Variants in CAPN13 observed in about 807,000 individuals in gnomAD.
CAPN13 encodes calpain 13.
CAPN13 carries 90 observed loss-of-function variants against 98.4 expected under a neutral mutation model. The ratio of observed to expected loss-of-function variants is 0.92; its 90% CI spans 0.77 to 1.09. The LOEUF (loss-of-function observed/expected upper bound fraction) is 1.09. Ranked by LOEUF, CAPN13 falls within the 50% of genes least tolerant of loss-of-function variation. The probability of loss-of-function intolerance (pLI) is 0.00; values close to 1 mark genes in which losing one functional copy is unlikely to be tolerated. For missense variants in CAPN13, 887 were observed against 841.3 expected, an observed-to-expected ratio of 1.05 and a Z score of -0.67; for synonymous variants, 330 against 305.5, an observed-to-expected ratio of 1.08 and a Z score of -0.84.
Position 30,775,925 on chromosome 2 carries a change from C to A in CAPN13, c.387+5G>T, listed in dbSNP as rs377429579. 3.1e-6 allele frequency: 5 copies of A among 1,602,686 alleles called. No individual in the cohort carries two copies. The Admixed American group carries it at 6.7e-5, about 22-fold the overall frequency. On this transcript the variant is annotated splice_donor_5th_base_variant and intron_variant, in intron 4 of 22. Transcript: ENST00000295055. ...ATATAATGAGCGCTGCAAGGGCACA[C>A]GTACCCGGAAACGGAAAATGCCAGC...
chr2:30,731,080 CCTT>C (rs1048997623), intron 21 of CAPN13, among the ~76,000 whole-genome samples: 4 of 152,188 alleles, frequency 2.6e-5, no homozygotes, highest in Non-Finnish European at 5.9e-5. Context: ...AGCGGGCTGT[CCTT>C]CTGTTCCCTC....
chr2:30,766,784 G>A (rs922778106), intron 5 of CAPN13, among the ~76,000 whole-genome samples: 7 of 152,184 alleles, frequency 4.6e-5, no homozygotes, highest in South Asian at 2.1e-4. Context: ...ACCAGCTCTC[G>A]TCCCTCAATC....
chr2:30,774,537 AG>A (rs1302248490), intron 4 of CAPN13, among the ~76,000 whole-genome samples: 1 of 152,200 alleles, frequency 6.6e-6, no homozygotes, highest in East Asian at 1.9e-4. Flanking sequence ...TAAGCAACTC[AG>A]TGGCAATATA....
In CAPN13 at chr2:30,763,076, C is replaced by T. The variant is rs775495355; in HGVS notation, c.774+6G>A. 4 of 1,605,140 alleles carry T rather than the reference C, an allele frequency of 2.5e-6. No individual in the cohort carries two copies. Among genetic ancestry groups the T allele is most frequent in the Admixed American group, 1.7e-5 (1 of 59,440 alleles). On this transcript the variant is annotated splice_donor_region_variant and intron_variant, in intron 7 of 22. Coordinates refer to ENST00000295055, the MANE Select transcript of CAPN13 (RefSeq NM_144575.3). Reference sequence around the variant, plus strand: ...GAGAGCTGGACAGGCCAGCAGCCAGCCTTACCTGCTCAGCCCCAGTCACAG... The same window carrying T: ...GAGAGCTGGACAGGCCAGCAGCCAGTCTTACCTGCTCAGCCCCAGTCACAG...
chr2:30,740,096 T>C (rs11684875), intron 15 of CAPN13, among the ~76,000 whole-genome samples: 1 of 138,272 alleles, frequency 7.2e-6, no homozygotes, highest in Non-Finnish European at 1.6e-5. Flanking sequence ...TTTTTTTTTT[T>C]TTTTTTTTTT....
At chr2:30,799,291 G>A (rs191119070) in intron 1 of CAPN13, among the ~76,000 whole-genome samples, 1 of 152,336 alleles carries the variant, frequency 6.6e-6, no homozygotes, top group African/African-American at 2.4e-5. Flanking sequence ...AAGAGCTTAT[G>A]TGAGATGGTG....
intron 6 of CAPN13, among the ~76,000 whole-genome samples, 178 bp from the exon 7 acceptor site, chr2:30,763,334 G>A (rs574479350): frequency 6.6e-6 from 1 of 152,348 alleles, no homozygotes; most frequent in South Asian, 2.1e-4. Flanking sequence ...GGTGTCTGAG[G>A]CCCCAGGGAT....
chr2:30,730,883 T>G, intron 21 of CAPN13, 97 bp from the exon 22 acceptor site: 1 of 758,034 alleles, frequency 1.3e-6, no homozygotes, highest in Non-Finnish European at 2.5e-6. Context: ...AAGACCTCAG[T>G]CCAGTCTCAT....
At chr2:30,762,038 T>C (rs1266864807) in intron 7 of CAPN13, among the ~76,000 whole-genome samples, 1 of 152,142 alleles carries the variant, frequency 6.6e-6, no homozygotes, top group African/African-American at 2.4e-5. Context: ...TCAAGTGTTG[T>C]GGGAAATACA....
rs560081711 is a variant in CAPN13 at position 30,797,126 on chromosome 2, G to C, written c.-32-9769C>G. On this transcript the variant is annotated intron_variant, in intron 1 of 22. Transcript: ENST00000295055. ...CCCTTCCTGGTCAGAGATCTAGAGA[G>C]GTTTACTGGACAGAAGGCCGACTGA... is the stretch of plus-strand genomic sequence containing the variant. 2.0e-5 allele frequency among the ~76,000 whole-genome samples: 3 copies of C among 152,224 alleles called. No individual in the cohort carries two copies. The South Asian group carries it at 6.2e-4, about 32-fold the overall frequency.
At chr2:30,799,447 G>A (rs1227673798) in intron 1 of CAPN13, among the ~76,000 whole-genome samples, 1 of 152,158 alleles carries the variant, frequency 6.6e-6, no homozygotes, top group Non-Finnish European at 1.5e-5. Context: ...GGGATTAGTG[G>A]CCCCCAGAAA....
chr2:30,783,776 T>G (rs1674113482), intron 2 of CAPN13, among the ~76,000 whole-genome samples: 1 of 152,194 alleles, frequency 6.6e-6, no homozygotes, highest in African/African-American at 2.4e-5. Flanking sequence ...AACACCTTGG[T>G]GCTACCTCAG....
chr2:30,742,317 C>A lies in CAPN13; in HGVS notation c.1479+9G>T. ...GAGGCTCGCCAGCCAAACCTTGCTGCATACCTACCTTCATTCTGAGGTTGA... is the reference window on the plus strand; with the variant it reads ...GAGGCTCGCCAGCCAAACCTTGCTGAATACCTACCTTCATTCTGAGGTTGA... On this transcript the variant is annotated intron_variant, in intron 14 of 22. Transcript: ENST00000295055. 1 of 1,601,918 alleles carries A rather than the reference C, an allele frequency of 6.2e-7. No individual in the cohort carries two copies. The highest frequency in any genetic ancestry group is 1.1e-5 in the South Asian group (1 of 88,508).
intron 4 of CAPN13, among the ~76,000 whole-genome samples, chr2:30,772,527 C>A (rs1174190822): frequency 6.6e-6 from 1 of 152,198 alleles, no homozygotes; most frequent in Non-Finnish European, 1.5e-5. Context: ...AATGCTGGCA[C>A]CCTGGGACAA....
chr2:30,724,187 A>G (rs1295601754), intron 22 of CAPN13, among the ~76,000 whole-genome samples: 2 of 152,118 alleles, frequency 1.3e-5, no homozygotes, highest in African/African-American at 4.8e-5. Flanking sequence ...TATTACAATT[A>G]TATATGTACT....
chr2:30,740,669 C>T (rs780501097), intron 15 of CAPN13, among the ~76,000 whole-genome samples: 51 of 152,228 alleles, frequency 3.4e-4, no homozygotes, highest in Non-Finnish European at 4.8e-4. Flanking sequence ...CACGAAGGCC[C>T]CCTATGGGCC....
intron 5 of CAPN13, among the ~76,000 whole-genome samples, chr2:30,765,959 A>G (rs1404294530): frequency 1.3e-5 from 2 of 152,116 alleles, no homozygotes; most frequent in East Asian, 3.9e-4. Flanking sequence ...TTGCTCAGTT[A>G]ACTGTAGAGC....
chr2:30,768,129 CAGCCCCTTCTG>C (rs2148032130), intron 5 of CAPN13, among the ~76,000 whole-genome samples: 1 of 152,366 alleles, frequency 6.6e-6, no homozygotes, highest in South Asian at 2.1e-4. Context: ...GCCTCACACA[CAGCCCCTTCTG>C]AGGGCAAGTG....
chr2:30,740,314 C>T (rs115345914), intron 15 of CAPN13, among the ~76,000 whole-genome samples: 3,315 of 152,146 alleles, frequency 0.022, 55 homozygotes, highest in Non-Finnish European at 0.036. Flanking sequence ...AGGCTGGTCT[C>T]GAATTCCTGA....
Sources: gnomAD v4.1 joint callset for allele counts (sites outside exome capture counted in the v4.1 genomes callset) on GRCh38, gnomAD v4.1.1 for gene constraint, MANE v1.5 for transcripts, NCBI Gene and HGNC (gene_info 2026-07-23, HGNC 2026-07-21) for gene names.